The following GALE variants were observed in gnomAD, a reference collection of about 807,000 sequenced individuals.
GALE encodes the protein UDP-galactose-4-epimerase.
GALE carries 32 observed loss-of-function variants against 44.1 expected under a neutral mutation model. The observed-to-expected ratio is 0.73, with a 90% CI of 0.55 to 0.97. The LOEUF (loss-of-function observed/expected upper bound fraction) is 0.97. Among genes scored for constraint, GALE ranks in the 50% least tolerant of loss-of-function variants. The pLI, the probability that GALE is intolerant of heterozygous loss-of-function variation, is 0.00. For synonymous variants in GALE, 182 were observed against 183.5 expected, an observed-to-expected ratio of 0.99 and a Z score of 0.06; for missense variants, 423 against 455.6, an observed-to-expected ratio of 0.93 and a Z score of 0.65.
rs755151837 is a variant in GALE, at chr1:23,796,492, G to A, written c.873+17C>T. 6.2e-7 allele frequency: 1 copy of A among 1,606,244 alleles called. No homozygotes were observed. The highest frequency in any genetic ancestry group is 2.2e-5 in the East Asian group (1 of 44,814). On this transcript the variant is annotated intron_variant, in intron 10 of 11. Transcript: ENST00000617979. The surrounding 1 kb of genome is among the most constrained non-coding windows in gnomAD (Gnocchi z 5.2). ...GTGGGGTGAGGTGGGTGAGGTGGGT[G>A]GGGCGGGGGGGCCTACCTTCTTCCC...
Position 23,797,718 on chromosome 1 carries a change from G to A in GALE, c.505C>T (p.Arg169Trp), listed in dbSNP as rs137853859. ...ACCTTGTCTGCCTGGCACAGGTCCCGGATCATTTCCTCGATGAAGAACTTG... is the reference window on the plus strand; with the variant it reads ...ACCTTGTCTGCCTGGCACAGGTCCCAGATCATTTCCTCGATGAAGAACTTG... Reference protein sequence around the residue: ...KSKFFIEEMIRDLCQADKTWN... With the variant: ...KSKFFIEEMIWDLCQADKTWN... The change falls in exon 6 of 12, where the codon CGG (arginine) becomes TGG (tryptophan). Residue 169 changes from arginine (R) to tryptophan (W), a missense_variant. By Grantham distance (101) the Arg-to-Trp change is moderately radical (BLOSUM62 -3). Coordinates refer to ENST00000617979, the MANE Select transcript of GALE (RefSeq NM_001008216.2). 100 of 1,613,974 alleles carry A rather than the reference G, an allele frequency of 6.2e-5. No homozygotes were observed. The highest frequency in any genetic ancestry group is 4.2e-4 in the East Asian group (19 of 44,876).
rs1325733299 is a variant in GALE at position 23,796,991 on chromosome 1, T to C, written c.642+43A>G. The C allele has an allele frequency of 1.9e-6, 3 of 1,608,870 alleles. No individual in the cohort carries two copies. In the African/African-American group the frequency reaches 4.0e-5, roughly 21 times the overall value. ...TCGTCCCAGATCCCAGGCACCAGCT[T>C]TAACCCCAGGGCCACTCCTCTGTCC... On this transcript the variant is annotated intron_variant, in intron 7 of 11. Coordinates refer to ENST00000617979, the MANE Select transcript of GALE (RefSeq NM_001008216.2). The surrounding 1 kb of genome is among the most constrained non-coding windows in gnomAD (Gnocchi z 5.2).
In GALE at chr1:23,795,801, C is replaced by T. The variant is rs1031283189; in HGVS notation, c.*148G>A. The T allele has an allele frequency of 9.3e-6, 7 of 751,504 alleles. No individual in the cohort carries two copies. Among genetic ancestry groups the T allele is most frequent in the African/African-American group, 1.7e-5 (1 of 57,628 alleles). The allele number at this position is 751,504 out of a possible 1,614,324, so 46.6% of individuals were successfully genotyped here. A position where few individuals can be genotyped will look rare whatever the true frequency, so the allele number is the denominator to read the frequency against. ...TCCTGGTCAGTGGAGCCCTTGGCCT[C>T]ATGCCTGGTGGGCTAAGCGGGCCCA... is the stretch of plus-strand genomic sequence containing the variant. On this transcript the variant is annotated 3_prime_UTR_variant, in exon 12 of 12. Transcript: ENST00000617979.
In GALE at chr1:23,795,822, G is replaced by T; in HGVS notation, c.*127C>A. The T allele has an allele frequency of 1.1e-6, 1 of 915,298 alleles. No homozygotes were observed. Among genetic ancestry groups the T allele is most frequent in the Non-Finnish European group, 1.8e-6 (1 of 567,278 alleles). The allele number at this position is 915,298 out of a possible 1,614,324, so 56.7% of individuals were successfully genotyped here. A position where few individuals can be genotyped will look rare whatever the true frequency, so the allele number is the denominator to read the frequency against. Reference sequence around the variant, plus strand: ...GCCTCATGCCTGGTGGGCTAAGCGGGCCCAGCTGGGGTTTGAGGTAGGGGA... The same window carrying T: ...GCCTCATGCCTGGTGGGCTAAGCGGTCCCAGCTGGGGTTTGAGGTAGGGGA... On this transcript the variant is annotated 3_prime_UTR_variant, in exon 12 of 12. Coordinates refer to ENST00000617979, the MANE Select transcript of GALE (RefSeq NM_001008216.2).
intron 6 of GALE, among the ~76,000 whole-genome samples, 167 bp downstream of exon 6, chr1:23,797,528 A>G (rs1033928113): frequency 6.6e-6 from 1 of 151,802 alleles, no homozygotes; most frequent in Admixed American, 6.6e-5. Flanking sequence ...CCAGTTGTCT[A>G]TTTATTATCT....
At chr1:23,797,435 G>C (rs1316663239) in intron 6 of GALE, among the ~76,000 whole-genome samples, 1 of 152,194 alleles carries the variant, frequency 6.6e-6, no homozygotes, top group Non-Finnish European at 1.5e-5. Context: ...GTCCAGGCTG[G>C]TCTTGAACTC....
Position 23,798,442 on chromosome 1 carries a change from C to T in GALE, c.237+173G>A, listed in dbSNP as rs1301615844. The stretch of plus-strand genomic sequence containing the variant: ...ATGCCAGCCTCCCGAGTAGCTGGGA[C>T]CACAGGTATGGGCTACCATGCCCAG... On this transcript the variant is annotated intron_variant, in intron 4 of 11. Coordinates refer to ENST00000617979, the MANE Select transcript of GALE (RefSeq NM_001008216.2). The surrounding 1 kb of genome is among the most constrained non-coding windows in gnomAD (Gnocchi z 4.5). The T allele has an allele frequency of 2.9e-6, 2 of 694,544 alleles. No individual in the cohort carries two copies. Among genetic ancestry groups the T allele is most frequent in the East Asian group, 5.4e-5 (2 of 37,124 alleles). The allele number at this position is 694,544 out of a possible 1,614,324, so 43.0% of individuals were successfully genotyped here.
In GALE at chr1:23,798,848, C is replaced by T. The variant is rs1204072495; in HGVS notation, c.121+39G>A. On this transcript the variant is annotated intron_variant, in intron 3 of 11. Transcript: ENST00000617979. This position sits in a 1 kb window ranked among gnomAD's most constrained non-coding sequence, Gnocchi z 4.5. The stretch of plus-strand genomic sequence containing the variant: ...GTGGAACCCAGGGTTTTGCTTCTGC[C>T]ATCCCCTCAAGTAGCCCCAGCCCCA... 1 of 1,613,926 alleles carries T rather than the reference C, an allele frequency of 6.2e-7. No individual in the cohort carries two copies. Among genetic ancestry groups the T allele is most frequent in the Non-Finnish European group, 8.5e-7 (1 of 1,179,954 alleles).
At position 23,796,978 on chromosome 1, in the gene GALE, C is replaced by G; in HGVS notation, c.643-36G>C. The G allele has an allele frequency of 6.2e-7, 1 of 1,609,536 alleles. No individual in the cohort carries two copies. The highest frequency in any genetic ancestry group is 8.5e-7 in the Non-Finnish European group (1 of 1,177,700). ...AGATCAGGTCAGTTCGTCCCAGATC[C>G]CAGGCACCAGCTTTAACCCCAGGGC... On this transcript the variant is annotated intron_variant, in intron 7 of 11. Coordinates refer to ENST00000617979, the MANE Select transcript of GALE (RefSeq NM_001008216.2). The surrounding 1 kb of genome is among the most constrained non-coding windows in gnomAD (Gnocchi z 5.2).
In GALE at chr1:23,798,744, T is replaced by C. The variant is rs775524492; in HGVS notation, c.122-14A>G. 18 of 1,611,704 alleles carry C rather than the reference T, an allele frequency of 1.1e-5. No homozygotes were observed. The South Asian group carries it at 1.5e-4, about 14-fold the overall frequency. ...GGGAGCCCCCTCCTGGTAGGGTACA[T>C]GTAGGCCACATCATCACGACATGGG... On this transcript the variant is annotated splice_polypyrimidine_tract_variant and intron_variant, in intron 3 of 11. Transcript: ENST00000617979. This position sits in a 1 kb window ranked among gnomAD's most constrained non-coding sequence, Gnocchi z 4.5.
At position 23,795,892 on chromosome 1, in the gene GALE, C is replaced by T. The variant is rs1638929986; in HGVS notation, c.*57G>A. The T allele has an allele frequency of 6.4e-7, 1 of 1,558,158 alleles. No individual in the cohort carries two copies. The highest frequency in any genetic ancestry group is 1.7e-5 in the Admixed American group (1 of 59,448). ...CAGCTCCAGGGCCCTGAGTTCCTGC[C>T]AGAGGCTGGAGAGCAGGCAGCTGCT... On this transcript the variant is annotated 3_prime_UTR_variant, in exon 12 of 12. Transcript: ENST00000617979.
chr1:23,796,182 C>A lies in GALE; in HGVS notation c.957G>T (p.Gly319=). 1 of 1,614,108 alleles carries A rather than the reference C, an allele frequency of 6.2e-7. No homozygotes were observed. The highest frequency in any genetic ancestry group is 2.2e-5 in the East Asian group (1 of 44,886). Residue 319 remains glycine (G), a synonymous_variant, in exon 11 of 12, where the codon GGG becomes GGT. Transcript: ENST00000617979. The surrounding 1 kb of genome is among the most constrained non-coding windows in gnomAD (Gnocchi z 5.2). ...TGTCCAGCCCTAAGGCTGCTGTCCA[C>A]CCCAGCTCCTCTTGGGCCAGGCTGG... ...ANPSLAQEEL[G]WTAALGLDRM...
intron 1 of GALE, chr1:23,800,097 C>T (rs920394595): frequency 6.6e-6 from 1 of 152,258 alleles, no homozygotes; most frequent in African/African-American, 2.4e-5. Context: ...GGTGTTATCA[C>T]TGGCACTTTA....
At position 23,796,203 on chromosome 1, in the gene GALE, G is replaced by A. The variant is rs1570629036; in HGVS notation, c.936C>T (p.Ser312=). ...GDVAACYANP[S]LAQEELGWTA... ...TCCACCCCAGCTCCTCTTGGGCCAG[G>A]CTGGGGTTGGCGTAACAGGCTGCCA... is the stretch of plus-strand genomic sequence containing the variant. Residue 312 remains serine, a synonymous_variant, in exon 11 of 12, where the codon AGC becomes AGT. Transcript: ENST00000617979. The surrounding 1 kb of genome is among the most constrained non-coding windows in gnomAD (Gnocchi z 5.2). 1.2e-6 allele frequency: 2 copies of A among 1,614,000 alleles called. No homozygotes were observed. Among genetic ancestry groups the A allele is most frequent in the Non-Finnish European group, 1.7e-6 (2 of 1,180,002 alleles).
In GALE at chr1:23,798,514, C is replaced by T; in HGVS notation, c.237+101G>A. The stretch of plus-strand genomic sequence containing the variant: ...AGAGATGGGGTTTCACTGTGTTGAG[C>T]AGGCTGGTCTTGAACACCTGGGCTC... On this transcript the variant is annotated intron_variant, in intron 4 of 11. Coordinates refer to ENST00000617979, the MANE Select transcript of GALE (RefSeq NM_001008216.2). The surrounding 1 kb of genome is among the most constrained non-coding windows in gnomAD (Gnocchi z 4.5). 1 of 855,636 alleles carries T rather than the reference C, an allele frequency of 1.2e-6. No individual in the cohort carries two copies. The highest frequency in any genetic ancestry group is 2.0e-6 in the Non-Finnish European group (1 of 507,408). 53.0% of individuals were successfully genotyped at this position (855,636 alleles called of 1,614,324 possible).
rs1456836841 is a variant in GALE, at chr1:23,796,696, C to G, written c.795+1G>C. ...CCCTCACTTCTCCCTTCTCTTCCTA[C>G]CCGGCAGCCACACTGTTCTTTCAGC... On this transcript the variant is annotated splice_donor_variant, in intron 9 of 11. Coordinates refer to ENST00000617979, the MANE Select transcript of GALE (RefSeq NM_001008216.2). LOFTEE classifies it high-confidence loss of function. The surrounding 1 kb of genome is among the most constrained non-coding windows in gnomAD (Gnocchi z 5.2). 1 of 1,613,408 alleles carries G rather than the reference C, an allele frequency of 6.2e-7. No homozygotes were observed. The highest frequency in any genetic ancestry group is 8.5e-7 in the Non-Finnish European group (1 of 1,179,714).
In GALE at chr1:23,797,797, C is replaced by T. The variant is rs377065637; in HGVS notation, c.426G>A (p.Leu142=). The T allele has an allele frequency of 7.4e-6, 12 of 1,613,966 alleles. No homozygotes were observed. Among genetic ancestry groups the T allele is most frequent in the Non-Finnish European group, 1.0e-5 (12 of 1,179,934 alleles). ...SATVYGNPQY[L]PLDEAHPTGG... ...CCGTGGGGTGGGCCTCATCAAGGGG[C>T]AGGTACTGGGGGTTCCCGTACACAG... is the stretch of plus-strand genomic sequence containing the variant. The change falls in exon 6 of 12, where the codon CTG becomes CTA. Residue 142 remains leucine (L), a synonymous_variant. Transcript: ENST00000617979.
At chr1:23,797,959 G>A in intron 5 of GALE, 88 bp from the exon 6 acceptor site, 4 of 1,434,356 alleles carry the variant, frequency 2.8e-6, no homozygotes, top group Non-Finnish European at 3.9e-6. Flanking sequence ...GGGCTGAGGT[G>A]ATGAGCACTC....
chr1:23,799,074 C>G (rs890295705), intron 2 of GALE, 62 bp from the exon 3 acceptor site: 2 of 1,610,292 alleles, frequency 1.2e-6, no homozygotes, highest in Non-Finnish European at 1.7e-6. Context: ...TTCCTTCCCA[C>G]TGGAATCCTG....
Sources: gnomAD v4.1 joint callset for allele counts (sites outside exome capture counted in the v4.1 genomes callset) on GRCh38, gnomAD v4.1.1 for gene constraint, Gnocchi (gnomAD v3.1) non-coding constraint, MANE v1.5 for transcripts, NCBI Gene and HGNC (gene_info 2026-07-23, HGNC 2026-07-21) for gene names.